STARD13: variants seen among roughly 807,000 people sequenced by gnomAD.
STARD13 encodes the protein StAR related lipid transfer domain containing 13, also known as stAR-related lipid transfer protein 13.
STARD13 carries 62 observed loss-of-function variants against 106.4 expected under a neutral mutation model. The observed-to-expected ratio is 0.58, with a 90% confidence interval of 0.48 to 0.72. The LOEUF is 0.72. STARD13 is among the 30% of genes least tolerant of loss of function. The pLI is 0.00. For missense variants in STARD13, 1,387 were observed against 1,424.0 expected (o/e 0.97, Z 0.42); for synonymous variants, 565 against 553.0 (o/e 1.02, Z -0.31).
the STARD13 span, among the ~76,000 whole-genome samples, chr13:33,666,979 G>C: frequency 6.6e-6 from 1 of 152,218 alleles, no homozygotes; most frequent in Admixed American, 6.5e-5. Flanking sequence ...GACAAATGCT[G>C]TGAAGACAGA....
chr13:33,415,024 C>T, the STARD13 span, among the ~76,000 whole-genome samples: 11 of 152,172 alleles, frequency 7.2e-5, no homozygotes, highest in East Asian at 1.4e-3. Flanking sequence ...TAGACACCTG[C>T]GACATATTTG....
chr13:33,561,516 A>T, the STARD13 span, among the ~76,000 whole-genome samples: 2 of 151,502 alleles, frequency 1.3e-5, no homozygotes, highest in African/African-American at 4.9e-5. Context: ...TTTAAAAAAT[A>T]TCTGTGTGAG....
At chr13:33,640,535 A>T in the STARD13 span, among the ~76,000 whole-genome samples, 1 of 152,206 alleles carries the variant, frequency 6.6e-6, no homozygotes. Flanking sequence ...CACTAAGCAC[A>T]AGAGACCCAG....
chr13:33,246,368 GCA>G (rs1889823933), intron 1 of STARD13, among the ~76,000 whole-genome samples: 1 of 152,114 alleles, frequency 6.6e-6, no homozygotes, highest in South Asian at 2.1e-4. Flanking sequence ...CCCCAGACAG[GCA>G]CACACACATC....
the STARD13 span, among the ~76,000 whole-genome samples, chr13:33,635,106 G>A: frequency 6.6e-6 from 1 of 152,180 alleles, no homozygotes; most frequent in African/African-American, 2.4e-5. Context: ...ACGAAGTAAA[G>A]CCAGTTCTTG....
chr13:33,368,583 A>T, the STARD13 span, among the ~76,000 whole-genome samples: 1 of 152,342 alleles, frequency 6.6e-6, no homozygotes, highest in East Asian at 1.9e-4. Flanking sequence ...CATCAAGTTC[A>T]GGAAACATTT....
At chr13:33,517,666 G>A in the STARD13 span, among the ~76,000 whole-genome samples, 1 of 152,134 alleles carries the variant, frequency 6.6e-6, no homozygotes, top group Admixed American at 6.6e-5. Context: ...TTGTCTTGAA[G>A]GAAGTTCATA....
chr13:33,531,611 C>T, the STARD13 span, among the ~76,000 whole-genome samples: 296 of 152,194 alleles, frequency 1.9e-3, 4 homozygotes, highest in African/African-American at 6.8e-3. Flanking sequence ...AGAACACAAT[C>T]CAAGCAATAG....
At chr13:33,675,679 A>G in the STARD13 span, among the ~76,000 whole-genome samples, 1 of 152,210 alleles carries the variant, frequency 6.6e-6, no homozygotes, top group East Asian at 1.9e-4. Context: ...CAATTAACTT[A>G]GTCCCTGTAT....
At chr13:33,510,403 G>A in the STARD13 span, among the ~76,000 whole-genome samples, 1 of 152,130 alleles carries the variant, frequency 6.6e-6, no homozygotes, top group Admixed American at 6.6e-5. Flanking sequence ...GAAAGATAAT[G>A]AGAGACATAG....
At chr13:33,259,925 G>T (rs1012501478) in intron 1 of STARD13, among the ~76,000 whole-genome samples, 1 of 149,806 alleles carries the variant, frequency 6.7e-6, no homozygotes, top group Non-Finnish European at 1.5e-5. Flanking sequence ...GAACTCAGGA[G>T]GTGGAAGTTG....
At chr13:33,371,610 C>T in the STARD13 span, among the ~76,000 whole-genome samples, 1 of 152,202 alleles carries the variant, frequency 6.6e-6, no homozygotes. Flanking sequence ...GGAGTTCCCT[C>T]CTGCTCCCTG....
chr13:33,312,550 G>C (rs1284039882), intron 1 of STARD13, among the ~76,000 whole-genome samples: 3 of 152,004 alleles, frequency 2.0e-5, no homozygotes, highest in African/African-American at 7.2e-5. Flanking sequence ...GTCAAAAGAT[G>C]GTATCATTAA....
the STARD13 span, among the ~76,000 whole-genome samples, chr13:33,547,594 C>A: frequency 6.6e-6 from 1 of 152,018 alleles, no homozygotes; most frequent in African/African-American, 2.4e-5. Flanking sequence ...ACAACATAAG[C>A]CAAAGGAAAG....
chr13:33,588,025 T>C, the STARD13 span, among the ~76,000 whole-genome samples: 6 of 152,330 alleles, frequency 3.9e-5, no homozygotes, highest in East Asian at 1.2e-3. Flanking sequence ...ATATTATATT[T>C]CTATTGGACA....
chr13:33,128,815 T>TAGAAC, intron 5 of STARD13, 114 bp downstream of exon 5: 1 of 1,068,352 alleles, frequency 9.4e-7, no homozygotes, highest in South Asian at 1.6e-5. Flanking sequence ...ATACATCACT[T>TAGAAC]AGAACAGAGT....
chr13:33,513,682 T>G, the STARD13 span, among the ~76,000 whole-genome samples: 1 of 152,214 alleles, frequency 6.6e-6, no homozygotes, highest in Non-Finnish European at 1.5e-5. Context: ...TTTAGATTTT[T>G]TTTCATGCTA....
intron 1 of STARD13, among the ~76,000 whole-genome samples, chr13:33,181,886 C>T (rs1885273162): frequency 6.6e-6 from 1 of 150,738 alleles, no homozygotes. Context: ...GAGATTTAGT[C>T]TTGGAAGAAG....
In STARD13 at chr13:33,130,058, C is replaced by T. The variant is rs755661180; in HGVS notation, c.619G>A (p.Asp207Asn). 22 of 1,613,702 alleles carry T rather than the reference C, an allele frequency of 1.4e-5. No homozygotes were observed. The highest frequency in any genetic ancestry group is 4.0e-5 in the African/African-American group (3 of 74,906). The change falls in exon 5 of 14, where the codon GAC (aspartate) becomes AAC (asparagine). Residue 207 changes from aspartate to asparagine, a missense_variant. Coordinates refer to ENST00000336934, the MANE Select transcript of STARD13 (RefSeq NM_178006.4). This position sits in a 1 kb window ranked among gnomAD's most constrained non-coding sequence, Gnocchi z 4.1. ...CACTGGCCCGGCTGGCTGCGACTGT[C>T]GCTGCCTCCACTGCTTTCGCTGTGA... Reference protein sequence around the residue: ...SIHSESSGGSDSRSQPGQCCT... With the variant: ...SIHSESSGGSNSRSQPGQCCT...
Sources: allele counts gnomAD v4.1 joint callset (sites outside exome capture counted in the v4.1 genomes callset), GRCh38; gene constraint gnomAD v4.1.1; non-coding constraint Gnocchi (gnomAD v3.1); transcripts MANE v1.5; gene names NCBI Gene and HGNC (gene_info 2026-07-23, HGNC 2026-07-21).